The following CEP128 variants were observed in gnomAD, a reference collection of about 807,000 sequenced individuals.
CEP128 encodes the protein centrosomal protein 128kDa.
In CEP128, 132 loss-of-function variants were observed where a neutral mutation model predicts 156.7. The observed-to-expected ratio is 0.84, with a 90% CI of 0.73 to 0.97. CEP128 has a LOEUF of 0.97. Among genes scored for constraint, CEP128 ranks in the 50% least tolerant of loss-of-function variants. CEP128 has a pLI of 0.00. For missense variants in CEP128, 1,252 were observed against 1,281.9 expected, an observed-to-expected ratio of 0.98 and a Z score of 0.36; for synonymous variants, 469 against 448.9, an observed-to-expected ratio of 1.04 and a Z score of -0.57.
chr14:80,619,405 C>CACACACACAA, intron 19 of CEP128, among the ~76,000 whole-genome samples: 1 of 150,112 alleles, frequency 6.7e-6, no homozygotes, highest in Non-Finnish European at 1.5e-5. Flanking sequence ...CACACACACA[C>CACACACACAA]AAATAGAAAA....
chr14:80,531,695 T>C (rs901985848), intron 21 of CEP128, among the ~76,000 whole-genome samples: 1 of 152,138 alleles, frequency 6.6e-6, no homozygotes, highest in African/African-American at 2.4e-5. Flanking sequence ...AATTGTTCAA[T>C]GAAATAAACA....
At chr14:80,932,127 T>G (rs1424973685) in intron 2 of CEP128, among the ~76,000 whole-genome samples, 2 of 152,240 alleles carry the variant, frequency 1.3e-5, no homozygotes, top group Non-Finnish European at 1.5e-5. Flanking sequence ...TGATGCCATG[T>G]GAAGAAGGAT....
intron 23 of CEP128, among the ~76,000 whole-genome samples, chr14:80,515,873 G>A (rs1043423647): frequency 2.8e-4 from 43 of 152,190 alleles, no homozygotes; most frequent in Admixed American, 9.2e-4. Flanking sequence ...TACCACTTAC[G>A]TTTTTTCTTT....
chr14:80,822,496 C>T (rs564940692), intron 13 of CEP128: 22 of 608,876 alleles, frequency 3.6e-5, no homozygotes, highest in South Asian at 2.0e-4. Context: ...CTGCATCCCG[C>T]GTCCACCACC....
chr14:80,847,466 A>T (rs966709670), intron 9 of CEP128, among the ~76,000 whole-genome samples: 3 of 152,184 alleles, frequency 2.0e-5, no homozygotes, highest in Non-Finnish European at 2.9e-5. Flanking sequence ...TATAAAGAAG[A>T]AAATAATTAG....
chr14:80,648,930 T>C (rs1016516457), intron 19 of CEP128, among the ~76,000 whole-genome samples: 8 of 152,100 alleles, frequency 5.3e-5, no homozygotes, highest in Admixed American at 3.3e-4. Context: ...GTATAGATAG[T>C]ATCAACTGGG....
intron 8 of CEP128, among the ~76,000 whole-genome samples, chr14:80,866,373 C>T (rs1013093874): frequency 6.6e-6 from 1 of 152,148 alleles, no homozygotes; most frequent in African/African-American, 2.4e-5. Context: ...GACCCTCGTG[C>T]CAGGCCAGCC....
chr14:80,892,055 GA>G (rs544529899), intron 8 of CEP128, among the ~76,000 whole-genome samples: 203 of 139,618 alleles, frequency 1.5e-3, no homozygotes, highest in Middle Eastern at 3.8e-3. Flanking sequence ...TTCCTCACAG[GA>G]AAAAAAAAAA....
At chr14:80,591,582 T>C (rs1214739055) in intron 19 of CEP128, among the ~76,000 whole-genome samples, 1 of 152,028 alleles carries the variant, frequency 6.6e-6, no homozygotes, top group Non-Finnish European at 1.5e-5. Flanking sequence ...CCACTGTCAA[T>C]ACTAGACAGA....
intron 19 of CEP128, among the ~76,000 whole-genome samples, chr14:80,606,777 C>T (rs895928358): frequency 1.3e-5 from 2 of 151,866 alleles, no homozygotes; most frequent in Admixed American, 6.6e-5. Context: ...CATATGTGTG[C>T]GTGTGTGTAG....
intron 18 of CEP128, among the ~76,000 whole-genome samples, chr14:80,751,650 G>A (rs961146371): frequency 7.0e-6 from 1 of 142,156 alleles, no homozygotes; most frequent in Middle Eastern, 3.7e-3. Context: ...TTTTTTTTGA[G>A]ATGGAGTCTC....
At chr14:80,538,508 C>G (rs933365856) in intron 21 of CEP128, among the ~76,000 whole-genome samples, 7 of 152,120 alleles carry the variant, frequency 4.6e-5, no homozygotes, top group African/African-American at 1.7e-4. Context: ...ATTTACAGAG[C>G]TCACCCGTAT....
chr14:80,826,105 C>CAA (rs397700906), intron 13 of CEP128, among the ~76,000 whole-genome samples: 8,816 of 69,984 alleles, frequency 0.13, 635 homozygotes, highest in East Asian at 0.46. Flanking sequence ...GATTCTGTCT[C>CAA]AAAAAAAAAA....
chr14:80,588,593 T>C (rs1274145537), intron 19 of CEP128, among the ~76,000 whole-genome samples: 3 of 152,110 alleles, frequency 2.0e-5, no homozygotes, highest in Non-Finnish European at 2.9e-5. Context: ...TAAACTTGAT[T>C]GGTCAACAAA....
At chr14:80,513,848 G>T (rs772071692) in intron 23 of CEP128, among the ~76,000 whole-genome samples, 1 of 152,118 alleles carries the variant, frequency 6.6e-6, no homozygotes, top group Non-Finnish European at 1.5e-5. Flanking sequence ...GCCCTGCAAA[G>T]CCATCCTTTG....
chr14:80,662,400 T>C (rs962335806), intron 19 of CEP128, among the ~76,000 whole-genome samples: 8 of 152,206 alleles, frequency 5.3e-5, no homozygotes, highest in South Asian at 2.1e-4. Context: ...TTCTTAATTA[T>C]TGGCTAACTA....
intron 20 of CEP128, among the ~76,000 whole-genome samples, chr14:80,573,408 A>G (rs1595027722): frequency 6.6e-6 from 1 of 152,114 alleles, no homozygotes; most frequent in Non-Finnish European, 1.5e-5. Flanking sequence ...TGCGCTTTTC[A>G]TCCCATTGGA....
At chr14:80,754,752 T>G (rs1455210102) in intron 18 of CEP128, among the ~76,000 whole-genome samples, 1 of 152,174 alleles carries the variant, frequency 6.6e-6, no homozygotes, top group Non-Finnish European at 1.5e-5. Context: ...CGTGAGCCAC[T>G]GTGCCCGGAC....
chr14:80,609,389 A>C (rs139103461), intron 19 of CEP128, among the ~76,000 whole-genome samples: 5 of 152,278 alleles, frequency 3.3e-5, no homozygotes, highest in Admixed American at 6.5e-5. Context: ...GATATCTTGA[A>C]GTTCACTGCA....
Sources: allele counts gnomAD v4.1 joint callset (sites outside exome capture counted in the v4.1 genomes callset), GRCh38; gene constraint gnomAD v4.1.1; transcripts MANE v1.5; gene names NCBI Gene and HGNC (gene_info 2026-07-23, HGNC 2026-07-21).